The following FOXK2 variants were observed in gnomAD, a reference collection of about 807,000 sequenced individuals.
FOXK2 encodes forkhead box protein K2.
FOXK2 carries 24 observed loss-of-function variants against 53.3 expected under a neutral mutation model. The ratio of observed to expected loss-of-function variants is 0.45; its 90% CI spans 0.33 to 0.63. The LOEUF is 0.63. FOXK2 is among the 30% of genes least tolerant of loss of function. The pLI is 0.03. For missense variants in FOXK2, 952 were observed against 910.5 expected, an observed-to-expected ratio of 1.05 and a Z score of -0.59; for synonymous variants, 505 against 407.1, an observed-to-expected ratio of 1.24 and a Z score of -2.89.
At chr17:82,527,950 A>G (rs1041694271) in intron 1 of FOXK2, among the ~76,000 whole-genome samples, 2 of 151,994 alleles carry the variant, frequency 1.3e-5, no homozygotes, top group African/African-American at 4.8e-5. Flanking sequence ...ACAGGCCTGC[A>G]TGGCCATTCA....
rs201758688 is a variant in FOXK2 at position 82,587,041 on chromosome 17, G to A, written c.1577-22G>A. On this transcript the variant is annotated intron_variant, in intron 7 of 8. Coordinates refer to ENST00000335255, the MANE Select transcript of FOXK2 (RefSeq NM_004514.4). ...TTTGCTTTCCAGTAATATTAATGTC[G>A]TTTCTTTTCCTTTAATTTCAGTGAA... 803 of 1,608,466 alleles carry A rather than the reference G, an allele frequency of 5.0e-4. 2 individuals carry two copies. Among genetic ancestry groups the A allele is most frequent in the South Asian group, 2.5e-3 (228 of 91,000 alleles).
chr17:82,585,890 G>T lies in FOXK2; in HGVS notation c.1280-14G>T. On this transcript the variant is annotated splice_polypyrimidine_tract_variant and intron_variant, in intron 6 of 8. Transcript: ENST00000335255. ...AGTATCTGTAAGTGTCAGTCCTGCT[G>T]TGTCTTTCACCAGGGTCACCTCTGT... 2 of 1,601,948 alleles carry T rather than the reference G, an allele frequency of 1.2e-6. No homozygotes were observed. The highest frequency in any genetic ancestry group is 2.2e-5 in the South Asian group (2 of 90,630).
chr17:82,582,556 C>A (rs146861016), intron 4 of FOXK2, among the ~76,000 whole-genome samples, 185 bp from the exon 5 acceptor site: 1 of 152,152 alleles, frequency 6.6e-6, no homozygotes, highest in African/African-American at 2.4e-5. Context: ...TAGGATGGGC[C>A]TTCCTTAAAT....
chr17:82,550,546 A>G (rs1433195507), intron 1 of FOXK2, among the ~76,000 whole-genome samples: 1 of 114,722 alleles, frequency 8.7e-6, no homozygotes, highest in Non-Finnish European at 1.7e-5. Context: ...TCTGTCCCCC[A>G]GGCGGGAGTG....
intron 1 of FOXK2, among the ~76,000 whole-genome samples, chr17:82,538,195 C>T (rs968360536): frequency 1.3e-5 from 2 of 152,056 alleles, no homozygotes; most frequent in Non-Finnish European, 2.9e-5. Flanking sequence ...TGCACTCCAG[C>T]CTGGGCGACT....
intron 8 of FOXK2, among the ~76,000 whole-genome samples, chr17:82,592,501 G>A (rs1487677624): frequency 2.0e-5 from 3 of 152,222 alleles, no homozygotes; most frequent in Admixed American, 6.5e-5. Flanking sequence ...CTCCCTGTCT[G>A]GACAGGCCTG....
At chr17:82,535,252 A>G (rs1284732745) in intron 1 of FOXK2, among the ~76,000 whole-genome samples, 2 of 152,200 alleles carry the variant, frequency 1.3e-5, no homozygotes, top group African/African-American at 4.8e-5. Context: ...GCTGCTGTCA[A>G]GATTCTCTCT....
intron 1 of FOXK2, among the ~76,000 whole-genome samples, chr17:82,528,871 G>T (rs1214345057): frequency 1.3e-5 from 2 of 152,232 alleles, no homozygotes; most frequent in African/African-American, 4.8e-5. Context: ...TCTTTGTCCT[G>T]TGAAGGGCAT....
intron 1 of FOXK2, among the ~76,000 whole-genome samples, chr17:82,533,266 A>G (rs1001877463): frequency 1.3e-5 from 2 of 152,072 alleles, no homozygotes; most frequent in Non-Finnish European, 2.9e-5. Context: ...AGGCGGGTGG[A>G]TCACCTGAGG....
chr17:82,580,104 G>A lies in FOXK2; in HGVS notation c.910-2637G>A, dbSNP rs1437220148. Among the ~76,000 whole-genome samples the A allele has an allele frequency of 4.2e-5, 5 of 118,026 alleles. No individual in the cohort carries two copies. In the East Asian group the frequency reaches 1.4e-3, roughly 33 times the overall value. The allele number at this position is 118,026 out of a possible 152,430, so 77.4% of individuals were successfully genotyped here. A position where few individuals can be genotyped will look rare whatever the true frequency, so the allele number is the denominator to read the frequency against. On this transcript the variant is annotated intron_variant, in intron 4 of 8. Transcript: ENST00000335255. ...CCCTCCTCTCCATGTCACCCGTGAA[G>A]TAGCTCCATCCACAGGGCCCAGATC...
At chr17:82,535,506 C>T (rs2044511296) in intron 1 of FOXK2, among the ~76,000 whole-genome samples, 1 of 152,142 alleles carries the variant, frequency 6.6e-6, no homozygotes, top group African/African-American at 2.4e-5. Flanking sequence ...TTTGTTCTTT[C>T]TCCTTTCTGA....
intron 1 of FOXK2, among the ~76,000 whole-genome samples, chr17:82,538,645 A>C (rs2044544622): frequency 6.6e-6 from 1 of 152,182 alleles, no homozygotes; most frequent in Admixed American, 6.5e-5. Context: ...ATGGTGTAGA[A>C]GAGCAAAATG....
chr17:82,525,148 G>T (rs909412396), intron 1 of FOXK2, among the ~76,000 whole-genome samples: 2 of 151,454 alleles, frequency 1.3e-5, no homozygotes, highest in East Asian at 1.9e-4. Flanking sequence ...GCTAATTTTT[G>T]TATTTGTATT....
intron 1 of FOXK2, among the ~76,000 whole-genome samples, chr17:82,553,279 C>G (rs1257147252): frequency 1.3e-5 from 2 of 152,214 alleles, no homozygotes; most frequent in Non-Finnish European, 2.9e-5. Flanking sequence ...ACCCATGGAG[C>G]ATTTTTTCTG....
chr17:82,569,275 G>A (rs968815795), intron 3 of FOXK2, among the ~76,000 whole-genome samples: 2 of 152,196 alleles, frequency 1.3e-5, no homozygotes, highest in South Asian at 2.1e-4. Flanking sequence ...CCCCACCTGC[G>A]GCCGACTACG....
At chr17:82,577,819 C>G (rs1022119819) in intron 4 of FOXK2, among the ~76,000 whole-genome samples, 1 of 152,146 alleles carries the variant, frequency 6.6e-6, no homozygotes, top group Non-Finnish European at 1.5e-5. Flanking sequence ...CTCACTGCAA[C>G]CTTTGCCTCC....
chr17:82,596,352 TGCTTGGTGTAGGGGGACCCTCAGA>T (rs879432171), intron 8 of FOXK2, among the ~76,000 whole-genome samples: 24 of 152,092 alleles, frequency 1.6e-4, no homozygotes, highest in Admixed American at 3.3e-4. Flanking sequence ...GTGTTTTCCA[TGCTTGGTGTAGGGGGACCCTCAGA>T]GCTTGGTGTA....
At chr17:82,544,038 A>G (rs2044598953) in intron 1 of FOXK2, among the ~76,000 whole-genome samples, 1 of 151,884 alleles carries the variant, frequency 6.6e-6, no homozygotes, top group Non-Finnish European at 1.5e-5. Context: ...AGCCTCCCAA[A>G]GTGCTCGGAT....
At chr17:82,558,825 C>G (rs2144106595) in intron 1 of FOXK2, among the ~76,000 whole-genome samples, 1 of 152,246 alleles carries the variant, frequency 6.6e-6, no homozygotes, top group Non-Finnish European at 1.5e-5. Context: ...CGGCTCACTG[C>G]AAGCTCCGCC....
Sources: allele counts gnomAD v4.1 joint callset (sites outside exome capture counted in the v4.1 genomes callset), GRCh38; gene constraint gnomAD v4.1.1; transcripts MANE v1.5; gene names NCBI Gene and HGNC (gene_info 2026-07-23, HGNC 2026-07-21).